CUX2: variants seen among roughly 807,000 people sequenced by gnomAD.
CUX2 encodes the protein homeobox protein cut-like 2.
A neutral mutation model predicts 144.8 loss-of-function variants in CUX2; 40 were observed. That is an observed-to-expected ratio of 0.28 (90% CI 0.21 to 0.36). CUX2 has a LOEUF of 0.36. Among genes scored for constraint, CUX2 ranks in the 10% least tolerant of loss-of-function variants. The pLI, the probability that CUX2 is intolerant of heterozygous loss-of-function variation, is 1.00. For synonymous variants in CUX2, 827 were observed against 875.6 expected, an observed-to-expected ratio of 0.94 and a Z score of 0.98; for missense variants, 1,615 against 1,994.0, an observed-to-expected ratio of 0.81 and a Z score of 3.62.
rs756529725 is a variant in CUX2, at chr12:111,291,489, G to A, written c.373G>A (p.Gly125Arg). The change falls in exon 5 of 22, where the codon GGG becomes AGG. Residue 125 changes from glycine (G) to arginine (R), a missense_variant. By Grantham distance (125) the Gly-to-Arg change is moderately radical. This residue lies in a region of CUX2 where 295 missense variants were observed against 400.2 expected (regional missense o/e 0.74). Coordinates refer to ENST00000261726, the MANE Select transcript of CUX2 (RefSeq NM_015267.4). ...RLQPPSFDPSGQPRRDLHTSW... is the reference protein window; with the variant it reads ...RLQPPSFDPSRQPRRDLHTSW... The stretch of plus-strand genomic sequence containing the variant: ...GCAGCCCCCCAGCTTTGACCCCAGT[G>A]GGCAGCCCCGGCGAGACCTCCACAC... 6.2e-7 allele frequency: 1 copy of A among 1,611,802 alleles called. No homozygotes were observed. Among genetic ancestry groups the A allele is most frequent in the Non-Finnish European group, 8.5e-7 (1 of 1,179,042 alleles).
intron 1 of CUX2, among the ~76,000 whole-genome samples, chr12:111,138,355 A>G (rs1876062390): frequency 7.1e-6 from 1 of 140,226 alleles, no homozygotes; most frequent in South Asian, 2.5e-4. Context: ...GGGGAGGTGC[A>G]GTCATGTGGG....
rs1881325387 is a variant in CUX2, at chr12:111,213,150, C to A, written c.64-1050C>A. On this transcript the variant is annotated intron_variant, in intron 1 of 21. Transcript: ENST00000261726. ...TCACCGGATTTAGGAAATTATGGGG[C>A]TTGATTGCTGCAAATATAATCGGAT... Among the ~76,000 whole-genome samples the A allele has an allele frequency of 2.0e-5, 3 of 152,282 alleles. No homozygotes were observed. In the East Asian group the frequency reaches 5.8e-4, roughly 29 times the overall value.
At chr12:111,082,698 G>A (rs1039094250) in intron 1 of CUX2, among the ~76,000 whole-genome samples, 28 of 152,194 alleles carry the variant, frequency 1.8e-4, no homozygotes, top group Non-Finnish European at 3.4e-4. Context: ...TCCCTGAAAC[G>A]TGGAAGACTC....
At chr12:111,124,122 C>T (rs1027532102) in intron 1 of CUX2, among the ~76,000 whole-genome samples, 4 of 152,148 alleles carry the variant, frequency 2.6e-5, no homozygotes, top group African/African-American at 7.2e-5. Context: ...AAAAGGAAAC[C>T]GCATACCCCT....
intron 1 of CUX2, among the ~76,000 whole-genome samples, chr12:111,118,867 A>AT (rs1388483807): frequency 1.3e-5 from 2 of 152,210 alleles, no homozygotes; most frequent in African/African-American, 2.4e-5. Flanking sequence ...GGCTTTTGGG[A>AT]TTTTTTCTAA....
intron 1 of CUX2, among the ~76,000 whole-genome samples, chr12:111,098,659 G>A (rs894974228): frequency 2.4e-4 from 36 of 152,208 alleles, no homozygotes; most frequent in Admixed American, 2.6e-4. Flanking sequence ...GGCCGGAGGG[G>A]ACCTATACCC....
chr12:111,217,145 C>A (rs1355882672), intron 2 of CUX2, among the ~76,000 whole-genome samples: 1 of 152,160 alleles, frequency 6.6e-6, no homozygotes, highest in Non-Finnish European at 1.5e-5. Flanking sequence ...TGCTGGGAAC[C>A]TCAGGTCACT....
chr12:111,344,700 C>T (rs1306516718), intron 21 of CUX2, among the ~76,000 whole-genome samples: 1 of 151,956 alleles, frequency 6.6e-6, no homozygotes, highest in Non-Finnish European at 1.5e-5. Flanking sequence ...ACTAGGTGAC[C>T]CCTCACAGTT....
intron 1 of CUX2, among the ~76,000 whole-genome samples, chr12:111,136,076 G>A (rs1430275539): frequency 6.6e-6 from 1 of 152,212 alleles, no homozygotes; most frequent in East Asian, 1.9e-4. Context: ...AGCCTCAAAG[G>A]TTTGGAGTAG....
chr12:111,174,631 A>T (rs536092033), intron 1 of CUX2, among the ~76,000 whole-genome samples: 5 of 152,344 alleles, frequency 3.3e-5, no homozygotes, highest in Middle Eastern at 3.4e-3. Flanking sequence ...AGAGGGGGAA[A>T]ACTGAGATTC....
At chr12:111,314,377 T>A (rs1404766648) in intron 16 of CUX2, among the ~76,000 whole-genome samples, 6 of 152,044 alleles carry the variant, frequency 3.9e-5, no homozygotes, top group Admixed American at 3.9e-4. Flanking sequence ...CAGACCATCT[T>A]CTCATCTGGG....
intron 3 of CUX2, among the ~76,000 whole-genome samples, chr12:111,248,646 G>T (rs142833867): frequency 6.6e-6 from 1 of 152,082 alleles, no homozygotes; most frequent in Non-Finnish European, 1.5e-5. Flanking sequence ...AGGGGGTGTC[G>T]GTCTAGGCCA....
chr12:111,350,031 C>G lies in CUX2; in HGVS notation c.*1706C>G, dbSNP rs1252408913. On this transcript the variant is annotated 3_prime_UTR_variant, in exon 22 of 22. Coordinates refer to ENST00000261726, the MANE Select transcript of CUX2 (RefSeq NM_015267.4). Reference sequence around the variant, plus strand: ...CACCAAACAGTCAACAAAACACAAACCCTGAAGGAAAACCTTTTCCATACA... The same window carrying G: ...CACCAAACAGTCAACAAAACACAAAGCCTGAAGGAAAACCTTTTCCATACA... 6.6e-6 allele frequency: 1 copy of G among 152,588 alleles called. No individual in the cohort carries two copies. Among genetic ancestry groups the G allele is most frequent in the African/African-American group, 2.4e-5 (1 of 41,434 alleles). 9.5% of individuals were successfully genotyped at this position (152,588 alleles called of 1,614,324 possible).
chr12:111,265,592 C>T (rs1198184016), intron 4 of CUX2, among the ~76,000 whole-genome samples: 1 of 152,080 alleles, frequency 6.6e-6, no homozygotes, highest in East Asian at 1.9e-4. Context: ...ATCCGCCCAC[C>T]TCAGCCTCCC....
chr12:111,220,505 G>T (rs911839344), intron 3 of CUX2, among the ~76,000 whole-genome samples: 1 of 151,970 alleles, frequency 6.6e-6, no homozygotes, highest in Non-Finnish European at 1.5e-5. Context: ...TCTGACTCAG[G>T]CCTGGTCAAA....
chr12:111,323,833 G>T (rs1195082704), intron 18 of CUX2, among the ~76,000 whole-genome samples: 1 of 152,180 alleles, frequency 6.6e-6, no homozygotes, highest in African/African-American at 2.4e-5. Flanking sequence ...AAGGCAGGAG[G>T]ATCTCTTGAA....
At position 111,295,808 on chromosome 12, in the gene CUX2, G is replaced by A. The variant is rs1052705612; in HGVS notation, c.637+399G>A. Reference sequence around the variant, plus strand: ...ATACAACCCCTGCAGGGGCCAAAACGCTACCAAGCCACCGACTTAGGGGAG... The same window carrying A: ...ATACAACCCCTGCAGGGGCCAAAACACTACCAAGCCACCGACTTAGGGGAG... On this transcript the variant is annotated intron_variant, in intron 7 of 21. Coordinates refer to ENST00000261726, the MANE Select transcript of CUX2 (RefSeq NM_015267.4). The surrounding 1 kb of genome is among the most constrained non-coding windows in gnomAD (Gnocchi z 5.0). Among the ~76,000 whole-genome samples, 2 of 150,598 alleles carry A rather than the reference G, an allele frequency of 1.3e-5. No homozygotes were observed. The highest frequency in any genetic ancestry group is 2.9e-5 in the Non-Finnish European group (2 of 67,956).
At chr12:111,260,122 C>T (rs187468410) in intron 3 of CUX2, among the ~76,000 whole-genome samples, 49 of 151,378 alleles carry the variant, frequency 3.2e-4, no homozygotes, top group African/African-American at 1.1e-3. Flanking sequence ...GAGATCACAC[C>T]ACTGCACTCC....
At position 111,125,335 on chromosome 12, in the gene CUX2, G is replaced by A. The variant is rs545355008; in HGVS notation, c.64-88865G>A. 1.1e-4 allele frequency among the ~76,000 whole-genome samples: 17 copies of A among 152,086 alleles called. No individual in the cohort carries two copies. In the East Asian group the frequency reaches 2.3e-3, roughly 21 times the overall value. The stretch of plus-strand genomic sequence containing the variant: ...GCTGGGACTCCAGGCACGTGCCACC[G>A]CACCAGGCTAATTTTGTGTTTTTAG... On this transcript the variant is annotated intron_variant, in intron 1 of 21. Coordinates refer to ENST00000261726, the MANE Select transcript of CUX2 (RefSeq NM_015267.4).
Sources: gnomAD v4.1 joint callset for allele counts (sites outside exome capture counted in the v4.1 genomes callset) on GRCh38, gnomAD v4.1.1 for gene constraint, gnomAD v4.1.1 regional missense constraint, Gnocchi (gnomAD v3.1) non-coding constraint, MANE v1.5 for transcripts, NCBI Gene and HGNC (gene_info 2026-07-23, HGNC 2026-07-21) for gene names.